Variants in RAG1 observed in about 807,000 individuals in gnomAD.
The protein encoded by RAG1 is recombination activating 1.
In RAG1, 35 loss-of-function variants were observed where a neutral mutation model predicts 62.7. The observed-to-expected ratio is 0.56, with a 90% CI of 0.43 to 0.74. The LOEUF (loss-of-function observed/expected upper bound fraction) is 0.74. Ranked by LOEUF, RAG1 falls within the 30% of genes least tolerant of loss-of-function variation. The pLI, the probability that RAG1 is intolerant of heterozygous loss-of-function variation, is 0.00. For synonymous variants in RAG1, 461 were observed against 470.3 expected, an observed-to-expected ratio of 0.98 and a Z score of 0.26; for missense variants, 1,169 against 1,278.6, an observed-to-expected ratio of 0.91 and a Z score of 1.31.
At chr11:36,568,198 C>G (rs986386551) in intron 1 of RAG1, 76 bp downstream of exon 1, 11 of 152,038 alleles carry the variant, frequency 7.2e-5, no homozygotes, top group African/African-American at 2.7e-4. Context: ...AGTGCTTGAG[C>G]TTTTTTTCCT....
chr11:36,558,742 T>C (rs763123072), intron 3 of RAG1, among the ~76,000 whole-genome samples: 3 of 152,210 alleles, frequency 2.0e-5, no homozygotes, highest in Non-Finnish European at 4.4e-5. Flanking sequence ...CTCTCTTAAT[T>C]GAGGAACTTA....
intron 3 of RAG1, among the ~76,000 whole-genome samples, chr11:36,562,345 A>G (rs1425170614): frequency 2.0e-5 from 3 of 152,204 alleles, no homozygotes; most frequent in Admixed American, 1.3e-4. Flanking sequence ...CGGTGTGCAA[A>G]GCATCTCAAA....
At chr11:36,523,689 C>T (rs777939845) in intron 2 of RAG1, among the ~76,000 whole-genome samples, 17 of 152,258 alleles carry the variant, frequency 1.1e-4, no homozygotes, top group South Asian at 4.1e-4. Context: ...GCTTCCATCC[C>T]GGATCCAGTC....
chr11:36,539,757 A>C (rs7125448), downstream of RAG1, among the ~76,000 whole-genome samples: 149,337 of 152,300 alleles, frequency 0.98, 73,272 homozygotes, highest in Non-Finnish European at 1. Flanking sequence ...AGGTTACAGG[A>C]ATAAGCCATT....
rs145877904 is a variant in RAG1 at position 36,574,603 on chromosome 11, G to C, written c.1299G>C (p.Val433=). 1 of 1,614,272 alleles carries C rather than the reference G, an allele frequency of 6.2e-7. No individual in the cohort carries two copies. Among genetic ancestry groups the C allele is most frequent in the Non-Finnish European group, 8.5e-7 (1 of 1,180,046 alleles). Residue 433 remains valine, a synonymous_variant, in exon 2 of 2, where the codon GTG becomes GTC. Coordinates refer to ENST00000299440, the MANE Select transcript of RAG1 (RefSeq NM_000448.3). Reference sequence around the variant, plus strand: ...AAGAAGGTGGAGATGTGAAGTCCGTGTGCATGACCTTGTTCCTGCTGGCTC... The same window carrying C: ...AAGAAGGTGGAGATGTGAAGTCCGTCTGCATGACCTTGTTCCTGCTGGCTC... ...DKEEGGDVKS[V]CMTLFLLALR... is the part of the protein sequence containing the mutation.
intron 1 of RAG1, 109 bp from the exon 2 acceptor site, chr11:36,573,182 T>C: frequency 9.0e-7 from 1 of 1,115,488 alleles, no homozygotes; most frequent in East Asian, 2.6e-5. Context: ...ATACATATCT[T>C]TTGGAATACA....
At chr11:36,529,991 A>C (rs1468112466) in intron 2 of RAG1, among the ~76,000 whole-genome samples, 2 of 152,006 alleles carry the variant, frequency 1.3e-5, no homozygotes, top group Admixed American at 6.6e-5. Flanking sequence ...TTACAAATTC[A>C]GTTTCCTTAA....
intron 2 of RAG1, among the ~76,000 whole-genome samples, chr11:36,527,719 T>C (rs1860186891): frequency 6.6e-6 from 1 of 152,204 alleles, no homozygotes; most frequent in South Asian, 2.1e-4. Context: ...TCCATGAGCA[T>C]GGAATGTTTT....
chr11:36,523,262 G>C (rs1860109057), intron 2 of RAG1, among the ~76,000 whole-genome samples: 1 of 152,186 alleles, frequency 6.6e-6, no homozygotes. Context: ...ATTGAATCAT[G>C]GGGGCGGGTA....
At position 36,573,617 on chromosome 11, in the gene RAG1, G is replaced by A. The variant is rs1461569783; in HGVS notation, c.313G>A (p.Ala105Thr). Reference sequence around the variant, plus strand: ...AGCAAGAGGCAAAGCGATCCATCAAGCCAACCTTCGACATCTCTGCCGCAT... The same window carrying A: ...AGCAAGAGGCAAAGCGATCCATCAAACCAACCTTCGACATCTCTGCCGCAT... ...EKARGKAIHQ[A>T]NLRHLCRICG... Residue 105 changes from alanine (A) to threonine (T), a missense_variant, in exon 2 of 2, where the codon GCC becomes ACC. Physicochemically the swap from Ala to Thr is moderately conservative, Grantham distance 58 (BLOSUM62 0). Transcript: ENST00000299440. 1 of 1,614,142 alleles carries A rather than the reference G, an allele frequency of 6.2e-7. No homozygotes were observed. The highest frequency in any genetic ancestry group is 8.5e-7 in the Non-Finnish European group (1 of 1,180,040).
chr11:36,521,204 C>G (rs1479992048), intron 2 of RAG1, among the ~76,000 whole-genome samples: 1 of 152,048 alleles, frequency 6.6e-6, no homozygotes, highest in Non-Finnish European at 1.5e-5. Flanking sequence ...CACGATCCGT[C>G]CTCCTCAGCC....
Position 36,574,738 on chromosome 11 carries a change from C to T in RAG1, c.1434C>T (p.Phe478=), listed in dbSNP as rs778899874. 6 of 1,614,126 alleles carry T rather than the reference C, an allele frequency of 3.7e-6. No individual in the cohort carries two copies. In the African/African-American group the frequency reaches 5.3e-5, roughly 14 times the overall value. The change falls in exon 2 of 2, where the codon TTC becomes TTT. Residue 478 remains phenylalanine (F), a synonymous_variant. Coordinates refer to ENST00000299440, the MANE Select transcript of RAG1 (RefSeq NM_000448.3). ...AVCLAIRVNT[F]LSCSQYHKMY... ...GCTTGGCCATCCGTGTCAACACCTT[C>T]CTCAGCTGCAGTCAGTACCACAAGA...
In RAG1 at chr11:36,574,666, G is replaced by T. The variant is rs758054721; in HGVS notation, c.1362G>T (p.Leu454=). The change falls in exon 2 of 2, where the codon CTG becomes CTT. Residue 454 remains leucine (L), a synonymous_variant. Transcript: ENST00000299440. The part of the protein sequence containing the change: ...ARNEHRQADE[L]EAIMQGKGSG... ...ATGAGCACAGGCAAGCTGATGAGCT[G>T]GAGGCCATCATGCAGGGAAAGGGCT... The T allele has an allele frequency of 6.2e-7, 1 of 1,614,224 alleles. No individual in the cohort carries two copies. Among genetic ancestry groups the T allele is most frequent in the Non-Finnish European group, 8.5e-7 (1 of 1,180,048 alleles).
At chr11:36,522,936 T>C (rs1860104450) in intron 2 of RAG1, among the ~76,000 whole-genome samples, 1 of 152,196 alleles carries the variant, frequency 6.6e-6, no homozygotes, top group Non-Finnish European at 1.5e-5. Flanking sequence ...TTGGAACAGG[T>C]GTATTTACCC....
intron 3 of RAG1, among the ~76,000 whole-genome samples, chr11:36,560,371 G>A (rs749519197): frequency 8.5e-5 from 13 of 152,128 alleles, no homozygotes; most frequent in Non-Finnish European, 1.5e-4. Context: ...CCTGTTTCTT[G>A]GGGTGCAGGG....
chr11:36,540,733 C>T (rs908069411), downstream of RAG1, among the ~76,000 whole-genome samples: 3 of 152,202 alleles, frequency 2.0e-5, no homozygotes, highest in African/African-American at 7.2e-5. Context: ...AAAATGAAAC[C>T]TCCAATCTTC....
At chr11:36,551,081 C>A (rs966504601) in intron 3 of RAG1, among the ~76,000 whole-genome samples, 1 of 152,122 alleles carries the variant, frequency 6.6e-6, no homozygotes, top group Non-Finnish European at 1.5e-5. Flanking sequence ...TACAGAATAT[C>A]AAATTGTAGT....
intron 1 of RAG1, among the ~76,000 whole-genome samples, chr11:36,516,584 A>G (rs1404207635): frequency 6.6e-6 from 1 of 152,248 alleles, no homozygotes; most frequent in East Asian, 1.9e-4. Flanking sequence ...GGCCTCCCAA[A>G]GTGCTGGGAT....
chr11:36,515,482 G>A (rs1427130594), intron 1 of RAG1: 1 of 152,162 alleles, frequency 6.6e-6, no homozygotes, highest in Non-Finnish European at 1.5e-5. Flanking sequence ...AGCCAAAGAA[G>A]CACATGAAAG....
Sources: allele counts gnomAD v4.1 joint callset (sites outside exome capture counted in the v4.1 genomes callset), GRCh38; gene constraint gnomAD v4.1.1; transcripts MANE v1.5; gene names NCBI Gene and HGNC (gene_info 2026-07-23, HGNC 2026-07-21).